Variants in PALM2AKAP2 observed in about 807,000 individuals in gnomAD.
PALM2AKAP2 encodes the protein PALM2 and AKAP2 fusion, also known as PALM2-AKAP2 fusion protein.
Under a neutral mutation model 71.5 loss-of-function variants are expected in PALM2AKAP2, and 37 were observed. That is an observed-to-expected ratio of 0.52 (90% confidence interval 0.40 to 0.68). PALM2AKAP2 has a LOEUF of 0.68. Ranked by LOEUF, PALM2AKAP2 falls within the 30% of genes least tolerant of loss-of-function variation. The probability of loss-of-function intolerance (pLI) is 0.00; values close to 1 mark genes in which losing one functional copy is unlikely to be tolerated. For synonymous variants in PALM2AKAP2, 468 were observed against 478.8 expected (o/e 0.98, Z 0.29); for missense variants, 1,224 against 1,191.8 (o/e 1.03, Z -0.40).
intron 1 of PALM2AKAP2, among the ~76,000 whole-genome samples, chr9:109,735,768 T>C (rs1828620825): frequency 6.6e-6 from 1 of 152,182 alleles, no homozygotes; most frequent in Non-Finnish European, 1.5e-5. Flanking sequence ...CAGGCATTAA[T>C]GGTAGGTCTG....
chr9:109,705,222 A>G (rs1442311352), intron 1 of PALM2AKAP2, among the ~76,000 whole-genome samples: 1 of 152,068 alleles, frequency 6.6e-6, no homozygotes, highest in African/African-American at 2.4e-5. Context: ...CAACTACTTG[A>G]TATTAATTTC....
chr9:109,750,153 A>G (rs530390482), intron 1 of PALM2AKAP2, among the ~76,000 whole-genome samples: 78 of 152,346 alleles, frequency 5.1e-4, no homozygotes, highest in African/African-American at 1.8e-3. Context: ...GGAAATGCCA[A>G]GAAAAGCCTA....
At chr9:109,828,190 G>T (rs914822365) in intron 1 of PALM2AKAP2, among the ~76,000 whole-genome samples, 1 of 152,170 alleles carries the variant, frequency 6.6e-6, no homozygotes, top group Admixed American at 6.5e-5. Context: ...CAGAAGTGGT[G>T]TCCTTCTTTC....
intron 1 of PALM2AKAP2, among the ~76,000 whole-genome samples, chr9:109,812,961 G>A (rs1210914317): frequency 2.0e-5 from 3 of 152,216 alleles, no homozygotes; most frequent in African/African-American, 7.2e-5. Context: ...GCCTTCAGCA[G>A]TAGGTTGGGT....
chr9:109,712,151 A>T (rs1221394994), intron 1 of PALM2AKAP2, among the ~76,000 whole-genome samples: 1 of 152,194 alleles, frequency 6.6e-6, no homozygotes, highest in Non-Finnish European at 1.5e-5. Context: ...GTAATACAAG[A>T]GTCTTCTAAA....
intron 1 of PALM2AKAP2, among the ~76,000 whole-genome samples, chr9:109,675,815 C>G (rs1468327907): frequency 6.6e-6 from 1 of 152,132 alleles, no homozygotes; most frequent in African/African-American, 2.4e-5. Context: ...ATTTTGCGTA[C>G]CTCTTCTCCA....
chr9:110,126,078 G>A (rs1835599028), intron 1 of PALM2AKAP2, among the ~76,000 whole-genome samples: 1 of 152,086 alleles, frequency 6.6e-6, no homozygotes, highest in Non-Finnish European at 1.5e-5. Flanking sequence ...CATTCACAGG[G>A]TGGCCTGGGG....
chr9:109,800,186 C>G (rs1465631568), intron 1 of PALM2AKAP2, among the ~76,000 whole-genome samples: 1 of 152,210 alleles, frequency 6.6e-6, no homozygotes, highest in Non-Finnish European at 1.5e-5. Flanking sequence ...TCAACACAAA[C>G]ACACTTTTAA....
At chr9:110,036,391 T>G (rs1833410271) in intron 7 of PALM2AKAP2, among the ~76,000 whole-genome samples, 1 of 152,228 alleles carries the variant, frequency 6.6e-6, no homozygotes, top group Admixed American at 6.5e-5. Flanking sequence ...AGGGCAATGC[T>G]TTGTGCCATG....
chr9:110,114,148 T>C (rs1252950282), intron 1 of PALM2AKAP2, among the ~76,000 whole-genome samples: 1 of 152,228 alleles, frequency 6.6e-6, no homozygotes, highest in African/African-American at 2.4e-5. Context: ...AAATTACAGA[T>C]GGCAGGGTTG....
chr9:109,669,342 C>A (rs1177330920), intron 1 of PALM2AKAP2, among the ~76,000 whole-genome samples: 1 of 151,588 alleles, frequency 6.6e-6, no homozygotes, highest in Non-Finnish European at 1.5e-5. Context: ...CACATGGATT[C>A]CCTTTGCTAA....
At chr9:110,135,282 A>G (rs1262335675) in intron 1 of PALM2AKAP2, among the ~76,000 whole-genome samples, 1 of 123,792 alleles carries the variant, frequency 8.1e-6, no homozygotes, top group Non-Finnish European at 1.7e-5. Context: ...CCTGGGCCAC[A>G]GAGCAAAATC....
intron 1 of PALM2AKAP2, among the ~76,000 whole-genome samples, chr9:109,662,586 T>C (rs866064430): frequency 2.0e-5 from 3 of 152,082 alleles, no homozygotes; most frequent in Non-Finnish European, 4.4e-5. Flanking sequence ...TTATTGAGGA[T>C]TTTTGCATCG....
intron 1 of PALM2AKAP2, among the ~76,000 whole-genome samples, chr9:109,825,847 A>G (rs979424166): frequency 8.5e-5 from 13 of 152,236 alleles, no homozygotes; most frequent in African/African-American, 3.1e-4. Flanking sequence ...CATTTGACCC[A>G]GCCATCCCAT....
chr9:109,738,071 A>C (rs1828664346), intron 1 of PALM2AKAP2, among the ~76,000 whole-genome samples: 1 of 152,094 alleles, frequency 6.6e-6, no homozygotes, highest in African/African-American at 2.4e-5. Flanking sequence ...CCAATATTGG[A>C]AAAAAAAGAA....
chr9:110,139,794 A>G (rs1835982729), intron 2 of PALM2AKAP2, among the ~76,000 whole-genome samples: 1 of 152,216 alleles, frequency 6.6e-6, no homozygotes, highest in Non-Finnish European at 1.5e-5. Context: ...TAAATTGCCA[A>G]CATGATGCCC....
Position 109,702,558 on chromosome 9 carries a change from C to G in PALM2AKAP2, c.5+61692C>G, listed in dbSNP as rs1293777070. On this transcript the variant is annotated intron_variant, in intron 1 of 6. Transcript: ENST00000374531. ...ATTGAACAATGAGAACACATGGACA[C>G]AGGAAGGGGAACATCACACACCGGG... Among the ~76,000 whole-genome samples the G allele has an allele frequency of 5.9e-5, 8 of 136,714 alleles. No individual in the cohort carries two copies. The East Asian group carries it at 1.7e-3, about 29-fold the overall frequency. 89.7% of individuals were successfully genotyped at this position (136,714 alleles called of 152,430 possible).
At chr9:109,866,308 T>A (rs1021079541) in intron 1 of PALM2AKAP2, among the ~76,000 whole-genome samples, 2 of 152,230 alleles carry the variant, frequency 1.3e-5, no homozygotes, top group Non-Finnish European at 2.9e-5. Flanking sequence ...GCTGTTGTAT[T>A]GTCAAATGCC....
At chr9:110,125,778 C>CTT (rs35534895) in intron 1 of PALM2AKAP2, among the ~76,000 whole-genome samples, 28 of 142,254 alleles carry the variant, frequency 2.0e-4, no homozygotes, top group Admixed American at 8.4e-4. Flanking sequence ...TTCTCTCTCT[C>CTT]TTTTTTTTTT....
Sources: gnomAD v4.1 joint callset for allele counts (sites outside exome capture counted in the v4.1 genomes callset) on GRCh38, gnomAD v4.1.1 for gene constraint, MANE v1.5 for transcripts, NCBI Gene and HGNC (gene_info 2026-07-23, HGNC 2026-07-21) for gene names.